Variants in PIGB observed in about 807,000 individuals in gnomAD.
PIGB encodes the protein GPI alpha-1,2-mannosyltransferase 3.
PIGB carries 58 observed loss-of-function variants against 68.4 expected under a neutral mutation model. The observed-to-expected ratio is 0.85, with a 90% CI of 0.69 to 1.06. The LOEUF (loss-of-function observed/expected upper bound fraction) is 1.06. PIGB is among the 50% of genes least tolerant of loss of function. The pLI is 0.00. For missense variants in PIGB, 634 were observed against 655.8 expected (o/e 0.97, Z 0.36); for synonymous variants, 219 against 220.5 (o/e 0.99, Z 0.06).
chr15:55,324,781 G>A (rs1238015314), intron 3 of PIGB: 1 of 984,088 alleles, frequency 1.0e-6, no homozygotes, highest in South Asian at 4.7e-5. Context: ...TGCTTTCAGG[G>A]GGCCTGGGAA....
chr15:55,320,220 A>C, intron 1 of PIGB, 55 bp from the exon 2 acceptor site: 2 of 1,565,328 alleles, frequency 1.3e-6, no homozygotes, highest in Non-Finnish European at 1.7e-6. Context: ...TAAGTTTTGC[A>C]AGTGGAACTG....
At chr15:55,319,728 G>T in intron 1 of PIGB, 1 of 217,836 alleles carries the variant, frequency 4.6e-6, no homozygotes, top group Non-Finnish European at 9.1e-6. Flanking sequence ...TTTGGACAAG[G>T]CAGTTTAATT....
rs554364267 is a variant in PIGB, at chr15:55,326,202, A to C, written c.418-1329A>C. 4.8e-3 allele frequency among the ~76,000 whole-genome samples: 731 copies of C among 152,114 alleles called. 9 individuals are homozygous for C. The highest frequency in any genetic ancestry group is 0.017 in the African/African-American group (698 of 41,480). Reference sequence around the variant, plus strand: ...ACAGAGCGAGACTCTGTCTCCAAAAAAAAAAAGACTCCGTCTCAAAAAAAA... The same window carrying C: ...ACAGAGCGAGACTCTGTCTCCAAAACAAAAAAGACTCCGTCTCAAAAAAAA... On this transcript the variant is annotated intron_variant, in intron 3 of 11. Transcript: ENST00000164305.
intron 10 of PIGB, among the ~76,000 whole-genome samples, chr15:55,352,408 TC>T (rs1161218518): frequency 1.3e-5 from 2 of 152,238 alleles, no homozygotes; most frequent in Non-Finnish European, 2.9e-5. Context: ...ATCCATTTGT[TC>T]CTGTGCTTTA....
chr15:55,325,669 C>A (rs2055265138), intron 3 of PIGB, among the ~76,000 whole-genome samples: 1 of 152,162 alleles, frequency 6.6e-6, no homozygotes, highest in African/African-American at 2.4e-5. Context: ...GTAATCCTAG[C>A]ACTTTGGGAG....
intron 9 of PIGB, among the ~76,000 whole-genome samples, chr15:55,349,096 T>A (rs1359235619): frequency 6.6e-6 from 1 of 151,922 alleles, no homozygotes; most frequent in Non-Finnish European, 1.5e-5. Context: ...TTGGCCAGGC[T>A]GGTCTTGAAC....
chr15:55,353,664 G>GT (rs1356486726), intron 10 of PIGB, among the ~76,000 whole-genome samples: 1 of 151,942 alleles, frequency 6.6e-6, no homozygotes, highest in Non-Finnish European at 1.5e-5. Context: ...GTGCAGTGGC[G>GT]TATGATCTCA....
At chr15:55,327,858 T>A (rs1391349447) in intron 4 of PIGB, among the ~76,000 whole-genome samples, 1 of 152,172 alleles carries the variant, frequency 6.6e-6, no homozygotes, top group Non-Finnish European at 1.5e-5. Flanking sequence ...TCAAACCCTA[T>A]GAGAGTCTAA....
At chr15:55,320,760 G>A (rs539133382) in intron 2 of PIGB, among the ~76,000 whole-genome samples, 20 of 152,118 alleles carry the variant, frequency 1.3e-4, no homozygotes, top group Admixed American at 1.0e-3. Flanking sequence ...GTTGACTCTG[G>A]GCAACTGAAA....
intron 10 of PIGB, among the ~76,000 whole-genome samples, chr15:55,353,998 T>TAAAAATAAAAAAATAAAAA (rs112479438): frequency 1.9e-4 from 21 of 112,048 alleles, no homozygotes; most frequent in African/African-American, 8.9e-4. Flanking sequence ...TCATCTTAAA[T>TAAAAATAAAAAAATAAAAA]AAAAAAAAAA....
At chr15:55,354,699 C>T in intron 10 of PIGB, 99 bp from the exon 11 acceptor site, 1 of 881,152 alleles carries the variant, frequency 1.1e-6, no homozygotes, top group South Asian at 2.0e-5. Context: ...TTTACAGATT[C>T]AGATTTCACA....
chr15:55,331,986 T>G (rs928871274), intron 5 of PIGB, among the ~76,000 whole-genome samples: 3 of 152,208 alleles, frequency 2.0e-5, no homozygotes, highest in South Asian at 4.2e-4. Flanking sequence ...TTATTTTATT[T>G]TTTTTTTTCG....
intron 4 of PIGB, among the ~76,000 whole-genome samples, chr15:55,327,974 A>C (rs2141173464): frequency 6.6e-6 from 1 of 152,324 alleles, no homozygotes; most frequent in East Asian, 1.9e-4. Context: ...GCTACCTCAC[A>C]AAGCATCTTA....
Position 55,340,824 on chromosome 15 carries a change from G to A in PIGB, c.1058+1G>A. 4 of 1,557,594 alleles carry A rather than the reference G, an allele frequency of 2.6e-6. No individual in the cohort carries two copies. The highest frequency in any genetic ancestry group is 3.5e-6 in the Non-Finnish European group (4 of 1,145,646). On this transcript the variant is annotated splice_donor_variant, in intron 8 of 11. Coordinates refer to ENST00000164305, the MANE Select transcript of PIGB (RefSeq NM_004855.5). LOFTEE classifies it high-confidence loss of function. ...TGCTGTGGACACTGCTTGTTTATAG[G>A]TAAGATTTTATTTGTTCAAAAGGCT... is the stretch of plus-strand genomic sequence containing the variant.
At chr15:55,354,076 C>T (rs950413510) in intron 10 of PIGB, among the ~76,000 whole-genome samples, 3 of 150,830 alleles carry the variant, frequency 2.0e-5, no homozygotes, top group Admixed American at 2.0e-4. Flanking sequence ...CTTTGGAAGG[C>T]TGAGGCGGGT....
At chr15:55,346,062 T>C (rs926154496) in intron 9 of PIGB, among the ~76,000 whole-genome samples, 1 of 152,212 alleles carries the variant, frequency 6.6e-6, no homozygotes, top group African/African-American at 2.4e-5. Flanking sequence ...CAGTCTCAGA[T>C]ACTCCCATCC....
Position 55,341,760 on chromosome 15 carries a change from A to C in PIGB, c.1081A>C (p.Arg361=). 1.4e-6 allele frequency: 2 copies of C among 1,458,014 alleles called. No individual in the cohort carries two copies. The highest frequency in any genetic ancestry group is 1.8e-6 in the Non-Finnish European group (2 of 1,091,094). 90.3% of individuals were successfully genotyped at this position (1,458,014 alleles called of 1,614,324 possible). A position where few individuals can be genotyped will look rare whatever the true frequency, so the allele number is the denominator to read the frequency against. ...VYSMLSHKEF[R]FIYPVLPFCM... is the part of the protein sequence containing the mutation. ...CAGCATGTTGAGCCACAAAGAATTC[A>C]GGTTTATTTATCCAGTTTTACCATT... Residue 361 remains arginine, a synonymous_variant, in exon 9 of 12, where the codon AGG becomes CGG. Coordinates refer to ENST00000164305, the MANE Select transcript of PIGB (RefSeq NM_004855.5).
At chr15:55,347,627 C>G (rs933047942) in intron 9 of PIGB, among the ~76,000 whole-genome samples, 1 of 152,162 alleles carries the variant, frequency 6.6e-6, no homozygotes, top group Non-Finnish European at 1.5e-5. Flanking sequence ...GTTTCAGTAT[C>G]CACTGTCCCC....
chr15:55,329,654 T>G (rs1368290107), intron 4 of PIGB, 70 bp from the exon 5 acceptor site: 12 of 1,207,134 alleles, frequency 9.9e-6, no homozygotes, highest in Non-Finnish European at 1.4e-5. Context: ...TGCTTGCTAT[T>G]TAGAAGATAA....
Sources: allele counts gnomAD v4.1 joint callset (sites outside exome capture counted in the v4.1 genomes callset), GRCh38; gene constraint gnomAD v4.1.1; transcripts MANE v1.5; gene names NCBI Gene and HGNC (gene_info 2026-07-23, HGNC 2026-07-21).